The following SLC8A3 variants were observed in gnomAD, a reference collection of about 807,000 sequenced individuals.
The protein encoded by SLC8A3 is sodium/calcium exchanger 3.
SLC8A3 carries 37 observed loss-of-function variants against 65.4 expected under a neutral mutation model. That is an observed-to-expected ratio of 0.57 (90% CI 0.44 to 0.74). SLC8A3 has a LOEUF of 0.74. SLC8A3 is among the 30% of genes least tolerant of loss of function. SLC8A3 has a pLI of 0.00. For missense variants in SLC8A3, 1,112 were observed against 1,172.1 expected, an observed-to-expected ratio of 0.95 and a Z score of 0.75; for synonymous variants, 461 against 444.5, an observed-to-expected ratio of 1.04 and a Z score of -0.47.
At chr14:70,174,944 G>T (rs547650393) in intron 1 of SLC8A3, among the ~76,000 whole-genome samples, 1 of 152,254 alleles carries the variant, frequency 6.6e-6, no homozygotes, top group East Asian at 1.9e-4. Flanking sequence ...TGTAGAGAAT[G>T]TTGCAGTCGT....
intron 2 of SLC8A3, among the ~76,000 whole-genome samples, chr14:70,109,056 T>C (rs760538817): frequency 6.6e-6 from 1 of 152,208 alleles, no homozygotes; most frequent in Non-Finnish European, 1.5e-5. Context: ...TGTAGCACTT[T>C]TCACAAATTG....
chr14:70,069,562 C>G (rs1889808385), intron 2 of SLC8A3, among the ~76,000 whole-genome samples: 1 of 152,190 alleles, frequency 6.6e-6, no homozygotes, highest in Admixed American at 6.5e-5. Context: ...CATCTCTTAG[C>G]TGGGTTCTTC....
At chr14:70,049,594 A>G (rs1476105485) in intron 5 of SLC8A3, among the ~76,000 whole-genome samples, 3 of 151,828 alleles carry the variant, frequency 2.0e-5, no homozygotes, top group South Asian at 2.1e-4. Context: ...ACAAAACTCT[A>G]TGTTCTGCAC....
At chr14:70,181,247 C>T (rs1025890223) in intron 1 of SLC8A3, among the ~76,000 whole-genome samples, 1 of 152,174 alleles carries the variant, frequency 6.6e-6, no homozygotes, top group Non-Finnish European at 1.5e-5. Context: ...CACCATTTTC[C>T]TGTCCCTGGT....
At chr14:70,101,474 A>G (rs1398978932) in intron 2 of SLC8A3, among the ~76,000 whole-genome samples, 1 of 152,244 alleles carries the variant, frequency 6.6e-6, no homozygotes, top group Non-Finnish European at 1.5e-5. Flanking sequence ...AAGGTGGTGC[A>G]ATAAGAAACT....
intron 6 of SLC8A3, chr14:70,047,045 AAG>A (rs1170705263): frequency 6.6e-6 from 1 of 152,212 alleles, no homozygotes; most frequent in Admixed American, 6.5e-5. Context: ...GGATGTTAGC[AAG>A]AGACTTGACC....
chr14:70,157,765 C>T (rs1172504375), intron 2 of SLC8A3, among the ~76,000 whole-genome samples: 2 of 152,208 alleles, frequency 1.3e-5, no homozygotes, highest in Non-Finnish European at 2.9e-5. Context: ...TAAACCCTCT[C>T]GTTTTCACAT....
intron 2 of SLC8A3, among the ~76,000 whole-genome samples, chr14:70,111,746 G>A (rs1391790538): frequency 1.3e-5 from 2 of 152,164 alleles, no homozygotes; most frequent in African/African-American, 4.8e-5. Context: ...AAGTGCATGC[G>A]AAAACATGTG....
At chr14:70,124,240 G>T (rs1329669476) in intron 2 of SLC8A3, among the ~76,000 whole-genome samples, 1 of 152,190 alleles carries the variant, frequency 6.6e-6, no homozygotes, top group African/African-American at 2.4e-5. Context: ...TTCTCCCAGG[G>T]TGAAATGTCT....
rs937164242 is a variant in SLC8A3, at chr14:70,044,584, C to T, written c.*1363G>A. On this transcript the variant is annotated 3_prime_UTR_variant, in exon 7 of 7. Transcript: ENST00000356921. ...CCCAGGCTCCAAGGGATTATGACAACTAAGATTCCTCTTACTGGAGCAAGA... is the reference window on the plus strand; with the variant it reads ...CCCAGGCTCCAAGGGATTATGACAATTAAGATTCCTCTTACTGGAGCAAGA... The T allele has an allele frequency of 6.6e-6, 1 of 152,104 alleles. No homozygotes were observed. The highest frequency in any genetic ancestry group is 6.5e-5 in the Admixed American group (1 of 15,280). 9.4% of individuals were successfully genotyped at this position (152,104 alleles called of 1,614,324 possible).
chr14:70,109,453 G>GTA (rs3078221), intron 2 of SLC8A3, among the ~76,000 whole-genome samples: 12,441 of 146,462 alleles, frequency 0.085, 639 homozygotes, highest in African/African-American at 0.16. Context: ...GTACGTGTGT[G>GTA]TATATATATA....
At chr14:70,048,482 A>G in intron 6 of SLC8A3, 1 of 605,832 alleles carries the variant, frequency 1.7e-6, no homozygotes, top group Admixed American at 2.8e-5. Flanking sequence ...GGGGATAATA[A>G]CTTACCCTAT....
At chr14:70,124,579 T>C (rs939276875) in intron 2 of SLC8A3, among the ~76,000 whole-genome samples, 12 of 152,260 alleles carry the variant, frequency 7.9e-5, no homozygotes, top group Admixed American at 7.8e-4. Context: ...TCTATAGTCT[T>C]TTGTGCAAAA....
intron 2 of SLC8A3, among the ~76,000 whole-genome samples, chr14:70,088,115 A>T (rs1891561715): frequency 6.6e-6 from 1 of 152,196 alleles, no homozygotes. Context: ...AGAGATTAGG[A>T]AAAGAAGATT....
intron 3 of SLC8A3, among the ~76,000 whole-genome samples, chr14:70,059,718 G>C (rs372080263): frequency 1.3e-5 from 2 of 152,124 alleles, no homozygotes. Context: ...GGATCTGGGC[G>C]GTACTTTCTC....
At chr14:70,104,973 G>A (rs1204145957) in intron 2 of SLC8A3, among the ~76,000 whole-genome samples, 1 of 152,154 alleles carries the variant, frequency 6.6e-6, no homozygotes, top group Non-Finnish European at 1.5e-5. Context: ...TCAGTATAAT[G>A]TAGATAAAAA....
At chr14:70,178,921 T>A (rs977470269) in intron 1 of SLC8A3, among the ~76,000 whole-genome samples, 1 of 152,164 alleles carries the variant, frequency 6.6e-6, no homozygotes, top group African/African-American at 2.4e-5. Flanking sequence ...GATCATGCAA[T>A]TCTTTGTATC....
chr14:70,092,381 C>T (rs1891861702), intron 2 of SLC8A3, among the ~76,000 whole-genome samples: 1 of 152,158 alleles, frequency 6.6e-6, no homozygotes, highest in African/African-American at 2.4e-5. Context: ...CCACCCTGCC[C>T]CTGTCATGCC....
At position 70,166,998 on chromosome 14, in the gene SLC8A3, C is replaced by A; in HGVS notation, c.1425G>T (p.Glu475Asp). 1 of 1,614,112 alleles carries A rather than the reference C, an allele frequency of 6.2e-7. No individual in the cohort carries two copies. The highest frequency in any genetic ancestry group is 1.1e-5 in the South Asian group (1 of 91,090). ...SVGIIDDDIF[E>D]EDEHFFVRLS... ...ACCTTACAAAGAAGTGTTCATCCTC[C>A]TCAAAAATGTCGTCATCAATTATGC... The change falls in exon 2 of 7, where the codon GAG (glutamate) becomes GAT (aspartate). Residue 475 changes from glutamate (E) to aspartate (D), a missense_variant. Physicochemically the swap from Glu to Asp is conservative, Grantham distance 45. Coordinates refer to ENST00000356921, the MANE Select transcript of SLC8A3 (RefSeq NM_182932.3).
Sources: gnomAD v4.1 joint callset for allele counts (sites outside exome capture counted in the v4.1 genomes callset) on GRCh38, gnomAD v4.1.1 for gene constraint, MANE v1.5 for transcripts, NCBI Gene and HGNC (gene_info 2026-07-23, HGNC 2026-07-21) for gene names.